EFL1: variants seen among roughly 807,000 people sequenced by gnomAD.
EFL1 encodes the protein elongation factor like GTPase 1.
EFL1 carries 76 observed loss-of-function variants against 126.7 expected under a neutral mutation model. That is an observed-to-expected ratio of 0.60 (90% confidence interval 0.50 to 0.73). EFL1 has a LOEUF of 0.73. EFL1 is among the 30% of genes least tolerant of loss of function. The pLI, the probability that EFL1 is intolerant of heterozygous loss-of-function variation, is 0.00. For missense variants in EFL1, 1,128 were observed against 1,343.2 expected (o/e 0.84, Z 2.50); for synonymous variants, 410 against 448.4 (o/e 0.91, Z 1.08).
intron 18 of EFL1, among the ~76,000 whole-genome samples, chr15:82,145,303 C>CAAAAAA (rs59928134): frequency 1.0e-5 from 1 of 96,496 alleles, no homozygotes; most frequent in Non-Finnish European, 2.2e-5. Context: ...AACTCTGTCT[C>CAAAAAA]AAAAAAAAAA....
intron 15 of EFL1, among the ~76,000 whole-genome samples, chr15:82,200,945 C>T (rs943345146): frequency 6.6e-5 from 10 of 152,096 alleles, no homozygotes; most frequent in Admixed American, 1.3e-4. Context: ...TGCAGTGGCA[C>T]GATCACAGCT....
At chr15:82,237,706 T>C (rs1238026656) in intron 7 of EFL1, among the ~76,000 whole-genome samples, 1 of 147,716 alleles carries the variant, frequency 6.8e-6, no homozygotes, top group African/African-American at 2.5e-5. Context: ...AACCTACACA[T>C]GAATGTTTAT....
chr15:82,138,425 AG>A (rs2073746510), intron 19 of EFL1, among the ~76,000 whole-genome samples: 1 of 46,180 alleles, frequency 2.2e-5, no homozygotes, highest in African/African-American at 6.9e-5. Context: ...AGAGAGAGAG[AG>A]TGTATGTGTG....
intron 3 of EFL1, among the ~76,000 whole-genome samples, chr15:82,257,008 T>G (rs2075072664): frequency 6.6e-6 from 1 of 152,238 alleles, no homozygotes; most frequent in Non-Finnish European, 1.5e-5. Flanking sequence ...TGTTGGGTTT[T>G]TCTCTGCTAT....
intron 15 of EFL1, among the ~76,000 whole-genome samples, chr15:82,173,273 A>G (rs1189227169): frequency 6.6e-6 from 1 of 152,216 alleles, no homozygotes; most frequent in African/African-American, 2.4e-5. Context: ...ACTATTATGC[A>G]AAGTTTAAAA....
intron 15 of EFL1, among the ~76,000 whole-genome samples, chr15:82,164,725 G>A (rs556387521): frequency 2.0e-5 from 3 of 151,986 alleles, no homozygotes; most frequent in African/African-American, 4.8e-5. Flanking sequence ...GTGAAACCCC[G>A]TCTCTACTAA....
Position 82,151,509 on chromosome 15 carries a change from G to A in EFL1, c.2945C>T (p.Ala982Val). Residue 982 changes from alanine to valine, a missense_variant, in exon 18 of 20, where the codon GCA (alanine) becomes GTA (valine). Ala to Val is a moderately conservative substitution (Grantham distance 64, BLOSUM62 0). Coordinates refer to ENST00000268206, the MANE Select transcript of EFL1 (RefSeq NM_024580.6). ...CATGATGTCACATGTGTACATAGCT[G>A]CCATCAGGCGCTGAGGTTTCACTTG... is the stretch of plus-strand genomic sequence containing the variant. ...ALQVKPQRLM[A>V]AMYTCDIMAT... is the part of the protein sequence containing the mutation. 3.7e-6 allele frequency: 6 copies of A among 1,613,904 alleles called. No individual in the cohort carries two copies. The highest frequency in any genetic ancestry group is 5.1e-6 in the Non-Finnish European group (6 of 1,179,930).
intron 16 of EFL1, among the ~76,000 whole-genome samples, chr15:82,160,550 T>C (rs2074012534): frequency 6.6e-6 from 1 of 152,234 alleles, no homozygotes; most frequent in African/African-American, 2.4e-5. Flanking sequence ...AGGTATTTGA[T>C]TTTCATCTTA....
chr15:82,181,355 A>G (rs1363231989), intron 15 of EFL1, among the ~76,000 whole-genome samples: 2 of 152,194 alleles, frequency 1.3e-5, no homozygotes, highest in African/African-American at 4.8e-5. Flanking sequence ...AAACTTTGTG[A>G]CTATACTTGA....
intron 15 of EFL1, among the ~76,000 whole-genome samples, chr15:82,195,187 C>A (rs1033326790): frequency 6.6e-6 from 1 of 152,066 alleles, no homozygotes; most frequent in Non-Finnish European, 1.5e-5. Context: ...AATGTATTAT[C>A]CAAAAAACTC....
At position 82,217,314 on chromosome 15, in the gene EFL1, T is replaced by C. The variant is rs1449278622; in HGVS notation, c.1611+2338A>G. 2.1e-5 allele frequency among the ~76,000 whole-genome samples: 3 copies of C among 143,434 alleles called. No individual in the cohort carries two copies. The East Asian group carries it at 6.0e-4, about 29-fold the overall frequency. 94.1% of individuals were successfully genotyped at this position (143,434 alleles called of 152,430 possible). Reference sequence around the variant, plus strand: ...CTATAGGTATATTCCCTAGAATTTCTTGTAAAAGTGCATAAGGAGATATAT... The same window carrying C: ...CTATAGGTATATTCCCTAGAATTTCCTGTAAAAGTGCATAAGGAGATATAT... On this transcript the variant is annotated intron_variant, in intron 14 of 19. Coordinates refer to ENST00000268206, the MANE Select transcript of EFL1 (RefSeq NM_024580.6).
intron 15 of EFL1, among the ~76,000 whole-genome samples, chr15:82,178,658 TAC>T (rs1435934449): frequency 6.6e-6 from 1 of 152,226 alleles, no homozygotes; most frequent in East Asian, 1.9e-4. Context: ...AAGGCTTGAC[TAC>T]TGGATTACCC....
In EFL1 at chr15:82,152,133, C is replaced by T. The variant is rs374192060; in HGVS notation, c.2321G>A (p.Arg774His). The change falls in exon 18 of 20, where the codon CGT becomes CAT. Residue 774 changes from arginine to histidine, a missense_variant. Arg to His is a conservative substitution (Grantham distance 29). Transcript: ENST00000268206. ...QILEENSDLI[R>H]SMEQLTSSLN... Reference sequence around the variant, plus strand: ...AGAGGATGTCAACTGCTCCATAGAACGAATCAAATCACTATTTTCTTCCAG... The same window carrying T: ...AGAGGATGTCAACTGCTCCATAGAATGAATCAAATCACTATTTTCTTCCAG... 32 of 1,613,948 alleles carry T rather than the reference C, an allele frequency of 2.0e-5. No individual in the cohort carries two copies. The highest frequency in any genetic ancestry group is 4.5e-5 in the East Asian group (2 of 44,880).
intron 15 of EFL1, among the ~76,000 whole-genome samples, chr15:82,177,024 T>C (rs1432053464): frequency 2.6e-5 from 4 of 152,176 alleles, no homozygotes; most frequent in Non-Finnish European, 5.9e-5. Flanking sequence ...ACATTCTATA[T>C]ATAAAGCTTA....
chr15:82,176,250 A>G (rs1197361014), intron 15 of EFL1, among the ~76,000 whole-genome samples: 1 of 152,240 alleles, frequency 6.6e-6, no homozygotes, highest in East Asian at 1.9e-4. Flanking sequence ...TGGAATAACA[A>G]CATAGAATAT....
chr15:82,152,272 TTTTGC>T lies in EFL1; in HGVS notation c.2177_2181del (p.Ser726AsnfsTer3). The T allele has an allele frequency of 6.2e-7, 1 of 1,614,166 alleles. No individual in the cohort carries two copies. Among genetic ancestry groups the T allele is most frequent in the African/African-American group, 1.3e-5 (1 of 75,046 alleles). On this transcript the variant is annotated frameshift_variant, in exon 18 of 20. Transcript: ENST00000268206. LOFTEE classifies it high-confidence loss of function. ...GAGTCAACTTGGATTCCTTCAGGGA[TTTTGC>T]TTTGATCTTCTTTCATTTGGTGTAT...
In EFL1 at chr15:82,230,830, G is replaced by C; in HGVS notation, c.855+18C>G. 3.1e-6 allele frequency: 5 copies of C among 1,595,560 alleles called. No individual in the cohort carries two copies. The highest frequency in any genetic ancestry group is 4.3e-6 in the Non-Finnish European group (5 of 1,172,818). On this transcript the variant is annotated intron_variant, in intron 8 of 19. Coordinates refer to ENST00000268206, the MANE Select transcript of EFL1 (RefSeq NM_024580.6). ...CAAGAATATGACCAACAACCAAAAG[G>C]GACATATACCACATTACCTGATCAC...
intron 12 of EFL1, among the ~76,000 whole-genome samples, chr15:82,223,995 C>T (rs1441934453): frequency 6.6e-6 from 1 of 152,196 alleles, no homozygotes; most frequent in Non-Finnish European, 1.5e-5. Context: ...CATAACCTTT[C>T]CCCTGAAGGA....
intron 3 of EFL1, among the ~76,000 whole-genome samples, chr15:82,257,542 C>A (rs2075076878): frequency 6.6e-6 from 1 of 152,134 alleles, no homozygotes; most frequent in South Asian, 2.1e-4. Context: ...TCAAGAGAAT[C>A]AAAAATTGTC....
Sources: gnomAD v4.1 joint callset for allele counts (sites outside exome capture counted in the v4.1 genomes callset) on GRCh38, gnomAD v4.1.1 for gene constraint, MANE v1.5 for transcripts, NCBI Gene and HGNC (gene_info 2026-07-23, HGNC 2026-07-21) for gene names.